The following GLYR1 variants were observed in gnomAD, a reference collection of about 807,000 sequenced individuals.
GLYR1 encodes cytokine-like nuclear factor N-PAC.
A neutral mutation model predicts 72.7 loss-of-function variants in GLYR1; 21 were observed. The ratio of observed to expected loss-of-function variants is 0.29; its 90% CI spans 0.20 to 0.42. The LOEUF (loss-of-function observed/expected upper bound fraction) is 0.42. Among genes scored for constraint, GLYR1 ranks in the 10% least tolerant of loss-of-function variants. The pLI is 1.00. For synonymous variants in GLYR1, 392 were observed against 270.2 expected (o/e 1.45, Z -4.42); for missense variants, 594 against 712.1 (o/e 0.83, Z 1.89).
At chr16:4,832,455 G>A (rs563674579) in intron 4 of GLYR1, 2 of 601,830 alleles carry the variant, frequency 3.3e-6, no homozygotes, top group Admixed American at 3.1e-5. Flanking sequence ...TTAAATCTAG[G>A]CAGTATATGT....
rs1404979641 is a variant in GLYR1 at position 4,847,126 on chromosome 16, C to A, written c.38+102G>T. 9 of 1,111,020 alleles carry A rather than the reference C, an allele frequency of 8.1e-6. No homozygotes were observed. The East Asian group carries it at 2.1e-4, about 26-fold the overall frequency. 68.8% of individuals were successfully genotyped at this position (1,111,020 alleles called of 1,614,324 possible). ...ACCTTCTCTTCCCCTCTCTCCGCGA[C>A]CTGGAGCGCATAAAAAGGCAGCTCC... On this transcript the variant is annotated intron_variant, in intron 1 of 15. Coordinates refer to ENST00000321919, the MANE Select transcript of GLYR1 (RefSeq NM_032569.4).
chr16:4,829,028 T>C (rs867990490), intron 5 of GLYR1, among the ~76,000 whole-genome samples: 10 of 152,090 alleles, frequency 6.6e-5, no homozygotes, highest in Admixed American at 6.5e-5. Flanking sequence ...TCACATTACA[T>C]TTTTTGTGGG....
chr16:4,825,624 G>A (rs751114301), intron 5 of GLYR1, among the ~76,000 whole-genome samples: 1 of 151,618 alleles, frequency 6.6e-6, no homozygotes, highest in Non-Finnish European at 1.5e-5. Context: ...TGTAATTCTT[G>A]CCCCTTCATG....
In GLYR1 at chr16:4,845,116, C is replaced by G. The variant is rs1401731468; in HGVS notation, c.113G>C (p.Gly38Ala). 1.2e-6 allele frequency: 2 copies of G among 1,614,126 alleles called. No homozygotes were observed. Among genetic ancestry groups the G allele is most frequent in the Non-Finnish European group, 1.7e-6 (2 of 1,179,978 alleles). The change falls in exon 3 of 16, where the codon GGA (glycine) becomes GCA (alanine). Residue 38 changes from glycine to alanine, a missense_variant. By Grantham distance (60) the Gly-to-Ala change is moderately conservative. Around this residue, in one of 5 missense-constraint regions of GLYR1, gnomAD observed 62 missense variants for 82.5 expected, o/e 0.75. Transcript: ENST00000321919. ...NPPKDLKKPRGKKCFFVKFFG... is the reference protein window; with the variant it reads ...NPPKDLKKPRAKKCFFVKFFG... Reference sequence around the variant, plus strand: ...AAATTTCACAAAGAAGCATTTCTTTCCGCGAGGTTTCTTCAAGTCCTTTGG... The same window carrying G: ...AAATTTCACAAAGAAGCATTTCTTTGCGCGAGGTTTCTTCAAGTCCTTTGG...
At chr16:4,829,225 G>A (rs542443799) in intron 5 of GLYR1, among the ~76,000 whole-genome samples, 1 of 152,188 alleles carries the variant, frequency 6.6e-6, no homozygotes, top group Middle Eastern at 3.4e-3. Context: ...AGCCCACAGA[G>A]ATGTTTCTAT....
At chr16:4,846,909 G>T (rs1242267188) in intron 1 of GLYR1, 14 of 431,162 alleles carry the variant, frequency 3.2e-5, no homozygotes, top group Non-Finnish European at 4.5e-5. Context: ...AGACCCCGGG[G>T]ACCGGTCGTC....
intron 3 of GLYR1, among the ~76,000 whole-genome samples, chr16:4,838,121 G>T (rs1361046040): frequency 6.6e-6 from 1 of 152,058 alleles, no homozygotes; most frequent in Non-Finnish European, 1.5e-5. Context: ...GAAGATTACT[G>T]AGGTGTTACA....
At chr16:4,822,361 A>G (rs868205223) in intron 7 of GLYR1, among the ~76,000 whole-genome samples, 34 of 152,178 alleles carry the variant, frequency 2.2e-4, no homozygotes, top group African/African-American at 7.5e-4. Context: ...TGCTGGGATT[A>G]TAGGCATGAG....
chr16:4,828,874 T>C (rs138544524), intron 5 of GLYR1, among the ~76,000 whole-genome samples: 35 of 152,170 alleles, frequency 2.3e-4, no homozygotes, highest in Admixed American at 9.8e-4. Context: ...CTTCCCTTTA[T>C]CCAACGAGAA....
At chr16:4,827,805 C>G (rs1417149525) in intron 5 of GLYR1, among the ~76,000 whole-genome samples, 2 of 151,858 alleles carry the variant, frequency 1.3e-5, no homozygotes, top group Non-Finnish European at 2.9e-5. Flanking sequence ...GAGGCTGAGG[C>G]AGGAGAATGG....
chr16:4,810,020 T>C (rs898525196), intron 15 of GLYR1, among the ~76,000 whole-genome samples: 3 of 151,968 alleles, frequency 2.0e-5, no homozygotes, highest in African/African-American at 7.3e-5. Flanking sequence ...TAAAAATCAA[T>C]AATCATTAGA....
chr16:4,824,498 CAAA>C (rs142627380), intron 5 of GLYR1, among the ~76,000 whole-genome samples: 4 of 95,146 alleles, frequency 4.2e-5, no homozygotes, highest in Admixed American at 1.1e-4. Context: ...GACTCCATCT[CAAA>C]AAAAAAAAAA....
chr16:4,838,636 G>C (rs1336780005), intron 3 of GLYR1, among the ~76,000 whole-genome samples: 1 of 151,832 alleles, frequency 6.6e-6, no homozygotes, highest in Non-Finnish European at 1.5e-5. Flanking sequence ...GCCCAGGCTG[G>C]AGTGCAGTGG....
At chr16:4,809,033 T>A (rs185920159) in intron 15 of GLYR1, among the ~76,000 whole-genome samples, 1 of 149,770 alleles carries the variant, frequency 6.7e-6, no homozygotes, top group Admixed American at 6.6e-5. Context: ...GACATGCTAA[T>A]TAAAAGGCAG....
intron 3 of GLYR1, among the ~76,000 whole-genome samples, chr16:4,838,749 G>C (rs776872637): frequency 1.3e-5 from 2 of 152,014 alleles, no homozygotes; most frequent in Non-Finnish European, 2.9e-5. Flanking sequence ...ACCACGCCCA[G>C]CTAATTTTTT....
chr16:4,830,927 A>ACC (rs1358696541), intron 5 of GLYR1, among the ~76,000 whole-genome samples: 2 of 151,750 alleles, frequency 1.3e-5, no homozygotes, highest in Non-Finnish European at 2.9e-5. Flanking sequence ...GGACTCAACT[A>ACC]CCCTTTTACA....
intron 5 of GLYR1, among the ~76,000 whole-genome samples, chr16:4,826,333 TG>T (rs1376380361): frequency 6.6e-6 from 1 of 152,246 alleles, no homozygotes; most frequent in Non-Finnish European, 1.5e-5. Context: ...CTCTAACTTC[TG>T]GCCTCAAGTG....
chr16:4,839,014 G>C (rs766969063), intron 3 of GLYR1, among the ~76,000 whole-genome samples: 2 of 152,178 alleles, frequency 1.3e-5, no homozygotes, highest in African/African-American at 2.4e-5. Flanking sequence ...AGTCTCCCAA[G>C]TAGCTGAGAC....
At chr16:4,838,936 G>C (rs1216255912) in intron 3 of GLYR1, among the ~76,000 whole-genome samples, 8 of 152,072 alleles carry the variant, frequency 5.3e-5, no homozygotes, top group Non-Finnish European at 2.9e-5. Flanking sequence ...ACCCAGGCTG[G>C]AATACAGTGC....
Sources: gnomAD v4.1 joint callset for allele counts (sites outside exome capture counted in the v4.1 genomes callset) on GRCh38, gnomAD v4.1.1 for gene constraint, gnomAD v4.1.1 regional missense constraint, MANE v1.5 for transcripts, NCBI Gene and HGNC (gene_info 2026-07-23, HGNC 2026-07-21) for gene names.